The following FAM178B variants were observed in gnomAD, a reference collection of about 807,000 sequenced individuals.
FAM178B encodes family with sequence similarity 178 member B, also known as protein FAM178B.
In FAM178B, 82 loss-of-function variants were observed where a neutral mutation model predicts 91.7. The ratio of observed to expected loss-of-function variants is 0.89; its 90% confidence interval spans 0.75 to 1.07. The LOEUF (loss-of-function observed/expected upper bound fraction) is 1.07. Ranked by LOEUF, FAM178B falls within the 50% of genes least tolerant of loss-of-function variation. The pLI, the probability that FAM178B is intolerant of heterozygous loss-of-function variation, is 0.00. For missense variants in FAM178B, 769 were observed against 846.7 expected, an observed-to-expected ratio of 0.91 and a Z score of 1.14; for synonymous variants, 368 against 359.4, an observed-to-expected ratio of 1.02 and a Z score of -0.27.
chr2:96,927,802 A>G lies in FAM178B; in HGVS notation c.1193+1404T>C, dbSNP rs541010112. On this transcript the variant is annotated intron_variant, in intron 9 of 16. Transcript: ENST00000490605. ...GTCTCCAGTGCCGCCTCCCACTCCCAGGAGGACACAGGGACACTCATCACA... is the reference window on the plus strand; with the variant it reads ...GTCTCCAGTGCCGCCTCCCACTCCCGGGAGGACACAGGGACACTCATCACA... Among the ~76,000 whole-genome samples the G allele has an allele frequency of 2.6e-5, 4 of 152,292 alleles. No individual in the cohort carries two copies. In the South Asian group the frequency reaches 6.2e-4, roughly 24 times the overall value.
intron 12 of FAM178B, among the ~76,000 whole-genome samples, chr2:96,916,351 G>A (rs1265599930): frequency 6.6e-6 from 1 of 152,224 alleles, no homozygotes; most frequent in Non-Finnish European, 1.5e-5. Context: ...CATTGTCAGG[G>A]CTGGTTTCGT....
intron 4 of FAM178B, among the ~76,000 whole-genome samples, chr2:96,969,737 CT>C (rs1379648219): frequency 6.6e-6 from 1 of 152,240 alleles, no homozygotes; most frequent in Non-Finnish European, 1.5e-5. Context: ...GGTGAAGGAG[CT>C]GAACAACACA....
At chr2:96,966,216 C>T (rs1279519213) in intron 5 of FAM178B, among the ~76,000 whole-genome samples, 1 of 152,162 alleles carries the variant, frequency 6.6e-6, no homozygotes, top group Non-Finnish European at 1.5e-5. Context: ...AACTGGCTCT[C>T]ACCTCCTCGA....
chr2:96,986,375 G>A lies in FAM178B; in HGVS notation c.-62C>T, dbSNP rs1412294409. 17 of 1,510,922 alleles carry A rather than the reference G, an allele frequency of 1.1e-5. No individual in the cohort carries two copies. The highest frequency in any genetic ancestry group is 1.5e-5 in the Non-Finnish European group (17 of 1,135,196). The allele number at this position is 1,510,922 out of a possible 1,614,324, so 93.6% of individuals were successfully genotyped here. A position where few individuals can be genotyped will look rare whatever the true frequency, so the allele number is the denominator to read the frequency against. On this transcript the variant is annotated 5_prime_UTR_variant, in exon 1 of 17. Coordinates refer to ENST00000490605, the MANE Select transcript of FAM178B (RefSeq NM_001122646.3). ...TGGCGGGAATTCGCACGGCCTCAGA[G>A]GACGGGGCCAGCTAGCCGGGAAAGG...
At position 96,921,542 on chromosome 2, in the gene FAM178B, G is replaced by T. The variant is rs2081339646; in HGVS notation, c.1400C>A (p.Pro467His). Residue 467 changes from proline (P) to histidine (H), a missense_variant, in exon 11 of 17, where the codon CCC becomes CAC. Physicochemically the swap from Pro to His is moderately conservative, Grantham distance 77. Transcript: ENST00000490605. The stretch of plus-strand genomic sequence containing the variant: ...GAGAAGCTGCTGGAGGTCAACTTTG[G>T]GCAGCAGGCGGAGCCCCACGTCCAG... ...TSLDVGLRLL[P>H]KVDLQQLLLL... 6.4e-7 allele frequency: 1 copy of T among 1,551,548 alleles called. No homozygotes were observed. The highest frequency in any genetic ancestry group is 8.7e-7 in the Non-Finnish European group (1 of 1,146,998).
At chr2:96,897,572 T>C (rs1189454486) in intron 13 of FAM178B, among the ~76,000 whole-genome samples, 1 of 152,200 alleles carries the variant, frequency 6.6e-6, no homozygotes, top group Admixed American at 6.6e-5. Context: ...ATCCCGCCTG[T>C]TGCACTGACC....
chr2:96,905,845 T>C (rs1357163926), intron 12 of FAM178B, among the ~76,000 whole-genome samples: 1 of 27,854 alleles, frequency 3.6e-5, no homozygotes, highest in African/African-American at 1.3e-4. Flanking sequence ...TATATATATA[T>C]ATATATATAT....
In FAM178B at chr2:96,967,613, T is replaced by C. The variant is rs1396987192; in HGVS notation, c.641A>G (p.Glu214Gly). 89 of 1,549,104 alleles carry C rather than the reference T, an allele frequency of 5.7e-5. No individual in the cohort carries two copies. The highest frequency in any genetic ancestry group is 7.2e-5 in the Non-Finnish European group (82 of 1,146,266). The change falls in exon 5 of 17, where the codon GAG becomes GGG. Residue 214 changes from glutamate to glycine, a missense_variant. Physicochemically the swap from Glu to Gly is moderately conservative, Grantham distance 98. Coordinates refer to ENST00000490605, the MANE Select transcript of FAM178B (RefSeq NM_001122646.3). Reference protein sequence around the residue: ...LLQEKREQALEQERERLLLQE... With the variant: ...LLQEKREQALGQERERLLLQE... Reference sequence around the variant, plus strand: ...CAGAAGCAGCCTCTCTCGCTCCTGCTCCAGGGCCTGTTCCCTATAGGAAGT... The same window carrying C: ...CAGAAGCAGCCTCTCTCGCTCCTGCCCCAGGGCCTGTTCCCTATAGGAAGT...
chr2:96,922,040 C>A lies in FAM178B; in HGVS notation c.1288-386G>T, dbSNP rs570835777. 8.5e-4 allele frequency among the ~76,000 whole-genome samples: 130 copies of A among 152,236 alleles called. 1 individual carries two copies. The highest frequency in any genetic ancestry group is 3.0e-3 in the African/African-American group (126 of 41,538). On this transcript the variant is annotated intron_variant, in intron 10 of 16. Coordinates refer to ENST00000490605, the MANE Select transcript of FAM178B (RefSeq NM_001122646.3). ...CAGTAAAGAGGCTGGCCAGATACCA[C>A]CAAAACCAAGATGATGACCAGAGTG...
intron 8 of FAM178B, among the ~76,000 whole-genome samples, chr2:96,938,498 T>A (rs568259275): frequency 1.3e-5 from 2 of 151,960 alleles, no homozygotes; most frequent in Non-Finnish European, 2.9e-5. Context: ...AGAGAGCACA[T>A]CAGAGCTTCT....
chr2:96,932,360 G>C (rs1486335751), intron 8 of FAM178B, among the ~76,000 whole-genome samples: 4 of 152,230 alleles, frequency 2.6e-5, no homozygotes, highest in African/African-American at 7.2e-5. Context: ...GGGCCTGGGA[G>C]GCCTCGGGAC....
Position 96,947,874 on chromosome 2 carries a change from A to G in FAM178B, c.1022T>C (p.Leu341Ser). The G allele has an allele frequency of 6.5e-7, 1 of 1,549,198 alleles. No homozygotes were observed. Among genetic ancestry groups the G allele is most frequent in the Non-Finnish European group, 8.7e-7 (1 of 1,144,846 alleles). The change falls in exon 8 of 17, where the codon TTG (leucine) becomes TCG (serine). Residue 341 changes from leucine to serine, a missense_variant. Physicochemically the swap from Leu to Ser is moderately radical, Grantham distance 145 (BLOSUM62 -2). Transcript: ENST00000490605. ...QLLTWPPETS[L>S]GAFGLLWDLI... ...ATCCCACAGAAGACCAAAGGCTCCCAAAGATGTTTCTGGAGGCCATGTCAG... is the reference window on the plus strand; with the variant it reads ...ATCCCACAGAAGACCAAAGGCTCCCGAAGATGTTTCTGGAGGCCATGTCAG...
intron 5 of FAM178B, among the ~76,000 whole-genome samples, chr2:96,965,964 T>G (rs2082137637): frequency 6.6e-6 from 1 of 152,166 alleles, no homozygotes; most frequent in Non-Finnish European, 1.5e-5. Context: ...TCATTACTTT[T>G]GGATTCCTGC....
intron 6 of FAM178B, chr2:96,956,562 G>T (rs2153374124): frequency 6.6e-6 from 1 of 152,368 alleles, no homozygotes; most frequent in East Asian, 1.9e-4. Flanking sequence ...GAAAGGTAAG[G>T]AGAAGTGAAT....
At chr2:96,931,368 T>C (rs760044761) in intron 8 of FAM178B, among the ~76,000 whole-genome samples, 1 of 152,104 alleles carries the variant, frequency 6.6e-6, no homozygotes, top group Non-Finnish European at 1.5e-5. Context: ...GATCAAGAAA[T>C]ACAAGTGAAT....
chr2:96,986,034 C>T (rs960448482), intron 1 of FAM178B, among the ~76,000 whole-genome samples: 2 of 152,240 alleles, frequency 1.3e-5, no homozygotes, highest in East Asian at 3.9e-4. Context: ...AGGCCGGCCG[C>T]GCAGTGGCCT....
intron 14 of FAM178B, among the ~76,000 whole-genome samples, chr2:96,879,583 C>T (rs1574173287): frequency 6.6e-6 from 1 of 152,246 alleles, no homozygotes; most frequent in Admixed American, 6.5e-5. Flanking sequence ...GTGCAAAATC[C>T]TGAGGTCGAA....
chr2:96,936,318 C>A (rs775351975), intron 8 of FAM178B, among the ~76,000 whole-genome samples: 2 of 152,120 alleles, frequency 1.3e-5, no homozygotes, highest in Non-Finnish European at 2.9e-5. Flanking sequence ...TCTCCTGCCT[C>A]AGCCTCCCGA....
At chr2:96,894,959 C>T in intron 13 of FAM178B, 1 of 1,011,180 alleles carries the variant, frequency 9.9e-7, no homozygotes, top group Non-Finnish European at 1.3e-6. Flanking sequence ...ATCTGTGGGC[C>T]CACCCTCCCT....
Sources: allele counts gnomAD v4.1 joint callset (sites outside exome capture counted in the v4.1 genomes callset), GRCh38; gene constraint gnomAD v4.1.1; transcripts MANE v1.5; gene names NCBI Gene and HGNC (gene_info 2026-07-23, HGNC 2026-07-21).